AGAP1: variants seen among roughly 807,000 people sequenced by gnomAD.
AGAP1 encodes the protein arf-GAP with GTPase, ANK repeat and PH domain-containing protein 1.
Under a neutral mutation model 105.3 loss-of-function variants are expected in AGAP1, and 29 were observed. The observed-to-expected ratio is 0.28, with a 90% CI of 0.21 to 0.38. The LOEUF (loss-of-function observed/expected upper bound fraction) is 0.38, where lower values mean the gene tolerates loss of function less well. Among genes scored for constraint, AGAP1 ranks in the 10% least tolerant of loss-of-function variants. AGAP1 has a pLI of 1.00. For synonymous variants in AGAP1, 509 were observed against 485.9 expected (o/e 1.05, Z -0.63); for missense variants, 998 against 1,165.1 (o/e 0.86, Z 2.09).
Position 235,936,022 on chromosome 2 carries a change from T to C in AGAP1, c.1483+5099T>C, listed in dbSNP as rs1236300599. ...TGCCTGGGCCAGCCTCGTCGGGTGGTCTCAGCTAATGCTGTTGCCATGGCA... is the reference window on the plus strand; with the variant it reads ...TGCCTGGGCCAGCCTCGTCGGGTGGCCTCAGCTAATGCTGTTGCCATGGCA... On this transcript the variant is annotated intron_variant, in intron 12 of 17. Transcript: ENST00000304032. The surrounding 1 kb of genome is among the most constrained non-coding windows in gnomAD (Gnocchi z 4.7). Among the ~76,000 whole-genome samples, 1 of 152,146 alleles carries C rather than the reference T, an allele frequency of 6.6e-6. No homozygotes were observed. The highest frequency in any genetic ancestry group is 1.5e-5 in the Non-Finnish European group (1 of 68,012).
chr2:235,668,814 C>A (rs1948216982), intron 1 of AGAP1, among the ~76,000 whole-genome samples: 1 of 152,198 alleles, frequency 6.6e-6, no homozygotes, highest in South Asian at 2.1e-4. Flanking sequence ...CCAATTTAAT[C>A]TTCACAGGAA....
chr2:235,796,751 C>G (rs1254083282), intron 6 of AGAP1, among the ~76,000 whole-genome samples: 2 of 152,118 alleles, frequency 1.3e-5, no homozygotes, highest in East Asian at 1.9e-4. Context: ...AGTTCCTTTC[C>G]GTGGACATCT....
intron 1 of AGAP1, among the ~76,000 whole-genome samples, chr2:235,541,633 C>CCCGCCT (rs1358933362): frequency 6.6e-6 from 1 of 151,996 alleles, no homozygotes; most frequent in African/African-American, 2.4e-5. Context: ...TCGTGATCTG[C>CCCGCCT]CCGCCTCCGC....
At chr2:235,501,512 A>G (rs1941560948) in intron 1 of AGAP1, among the ~76,000 whole-genome samples, 1 of 152,204 alleles carries the variant, frequency 6.6e-6, no homozygotes, top group African/African-American at 2.4e-5. Context: ...GCCTGAAGGA[A>G]GTGACTCATA....
At position 235,994,631 on chromosome 2, in the gene AGAP1, G is replaced by A. The variant is rs139446539; in HGVS notation, c.1645+26008G>A. Among the ~76,000 whole-genome samples the A allele has an allele frequency of 3.9e-5, 6 of 152,166 alleles. No homozygotes were observed. The highest frequency in any genetic ancestry group is 1.9e-4 in the East Asian group (1 of 5,170). The stretch of plus-strand genomic sequence containing the variant: ...TCAGTCCCGACTTTCCCAACGCCTC[G>A]CAGCCCGATGATACAGAGACGGGGC... On this transcript the variant is annotated intron_variant, in intron 13 of 17. Coordinates refer to ENST00000304032, the MANE Select transcript of AGAP1 (RefSeq NM_001037131.3). The surrounding 1 kb of genome is among the most constrained non-coding windows in gnomAD (Gnocchi z 4.4).
At position 236,002,372 on chromosome 2, in the gene AGAP1, C is replaced by T. The variant is rs1300958478; in HGVS notation, c.1645+33749C>T. On this transcript the variant is annotated intron_variant, in intron 13 of 17. Transcript: ENST00000304032. The surrounding 1 kb of genome is among the most constrained non-coding windows in gnomAD (Gnocchi z 4.3). ...CTGCAAATGACTTTCCTTCTTCCCT[C>T]ATCCCCTTTCCCATCCTCACTCTCT... is the stretch of plus-strand genomic sequence containing the variant. Among the ~76,000 whole-genome samples the T allele has an allele frequency of 6.6e-6, 1 of 152,214 alleles. No homozygotes were observed. The highest frequency in any genetic ancestry group is 1.9e-4 in the East Asian group (1 of 5,198).
intron 1 of AGAP1, among the ~76,000 whole-genome samples, chr2:235,519,399 A>C (rs932861935): frequency 1.3e-5 from 2 of 152,058 alleles, no homozygotes; most frequent in Non-Finnish European, 2.9e-5. Flanking sequence ...AATTGGTTTA[A>C]TCCTCCCAGG....
chr2:235,785,502 C>T (rs1354260806), intron 6 of AGAP1, among the ~76,000 whole-genome samples: 2 of 152,140 alleles, frequency 1.3e-5, no homozygotes, highest in South Asian at 4.1e-4. Flanking sequence ...ACTCTTGCGT[C>T]TCCTGTTCCT....
At chr2:235,933,782 T>C (rs983272370) in intron 12 of AGAP1, among the ~76,000 whole-genome samples, 1 of 151,906 alleles carries the variant, frequency 6.6e-6, no homozygotes. Context: ...CTGCCCGCCT[T>C]GGCCTCCCAA....
intron 9 of AGAP1, among the ~76,000 whole-genome samples, chr2:235,823,990 G>A (rs1416141832): frequency 1.3e-5 from 2 of 152,208 alleles, no homozygotes; most frequent in Non-Finnish European, 2.9e-5. Context: ...GCAAAGATAA[G>A]ATTCAAACCC....
At chr2:235,822,334 A>G (rs1242064171) in intron 9 of AGAP1, among the ~76,000 whole-genome samples, 2 of 152,216 alleles carry the variant, frequency 1.3e-5, no homozygotes, top group Non-Finnish European at 2.9e-5. Context: ...CTTGTTGGTT[A>G]CTTAAAGAAG....
intron 16 of AGAP1, among the ~76,000 whole-genome samples, chr2:236,085,903 C>T (rs571844394): frequency 1.3e-5 from 2 of 152,374 alleles, no homozygotes; most frequent in Admixed American, 6.5e-5. Flanking sequence ...CAAATTCCAG[C>T]GTCCAGGCCG....
chr2:236,012,246 G>A lies in AGAP1; in HGVS notation c.1646-24315G>A, dbSNP rs2056538652. ...TGTGAAAAATGGAAGGCATAAAGCG[G>A]GCGAGGAAAGAGGCTTTCTGCACTC... is the stretch of plus-strand genomic sequence containing the variant. On this transcript the variant is annotated intron_variant, in intron 13 of 17. Coordinates refer to ENST00000304032, the MANE Select transcript of AGAP1 (RefSeq NM_001037131.3). This position sits in a 1 kb window ranked among gnomAD's most constrained non-coding sequence, Gnocchi z 4.9. Among the ~76,000 whole-genome samples the A allele has an allele frequency of 6.6e-6, 1 of 152,048 alleles. No individual in the cohort carries two copies. Among genetic ancestry groups the A allele is most frequent in the South Asian group, 2.1e-4 (1 of 4,812 alleles).
rs567590243 is a variant in AGAP1 at position 235,739,036 on chromosome 2, G to T, written c.311-1927G>T. On this transcript the variant is annotated intron_variant, in intron 3 of 17. Transcript: ENST00000304032. This position sits in a 1 kb window ranked among gnomAD's most constrained non-coding sequence, Gnocchi z 5.3. The stretch of plus-strand genomic sequence containing the variant: ...TTAAATACGACTTTTATTAAAGCAG[G>T]TTAAAAGAACCTTGGCAGAAATTTC... Among the ~76,000 whole-genome samples the T allele has an allele frequency of 1.3e-5, 2 of 152,286 alleles. No individual in the cohort carries two copies. The highest frequency in any genetic ancestry group is 2.1e-4 in the South Asian group (1 of 4,810).
chr2:235,834,901 G>A (rs1464393789), intron 9 of AGAP1, among the ~76,000 whole-genome samples: 1 of 152,180 alleles, frequency 6.6e-6, no homozygotes, highest in South Asian at 2.1e-4. Flanking sequence ...ATCACGCCAC[G>A]CAGGTGGAAC....
chr2:235,669,372 C>CT (rs1403861635), intron 1 of AGAP1, among the ~76,000 whole-genome samples: 4 of 152,142 alleles, frequency 2.6e-5, no homozygotes, highest in African/African-American at 9.6e-5. Flanking sequence ...TCGTTTTGTT[C>CT]TTGCAGGCCA....
intron 1 of AGAP1, among the ~76,000 whole-genome samples, chr2:235,651,402 G>A (rs1308847234): frequency 2.6e-5 from 4 of 152,014 alleles, no homozygotes; most frequent in African/African-American, 4.8e-5. Flanking sequence ...ATTTTGACAA[G>A]CTTAAGGGAA....
At chr2:236,010,114 G>GT (rs1267317230) in intron 13 of AGAP1, among the ~76,000 whole-genome samples, 1 of 114,270 alleles carries the variant, frequency 8.8e-6, no homozygotes, top group African/African-American at 5.7e-5. Context: ...ACATGTGTTA[G>GT]TAAAAAAAAA....
chr2:235,560,383 C>G (rs571086401), intron 1 of AGAP1, among the ~76,000 whole-genome samples: 1 of 152,162 alleles, frequency 6.6e-6, no homozygotes, highest in East Asian at 1.9e-4. Flanking sequence ...CCCTCCATCC[C>G]TTCCCCTACT....
Sources: gnomAD v4.1 joint callset for allele counts (sites outside exome capture counted in the v4.1 genomes callset) on GRCh38, gnomAD v4.1.1 for gene constraint, Gnocchi (gnomAD v3.1) non-coding constraint, MANE v1.5 for transcripts, NCBI Gene and HGNC (gene_info 2026-07-23, HGNC 2026-07-21) for gene names.